PCDH15: variants seen among roughly 807,000 people sequenced by gnomAD.
PCDH15 encodes the protein protocadherin related 15.
In PCDH15, 129 loss-of-function variants were observed where a neutral mutation model predicts 178.5. The ratio of observed to expected loss-of-function variants is 0.72; its 90% CI spans 0.63 to 0.84. The LOEUF is 0.84. Among genes scored for constraint, PCDH15 ranks in the 40% least tolerant of loss-of-function variants. The pLI, the probability that PCDH15 is intolerant of heterozygous loss-of-function variation, is 0.00. For missense variants in PCDH15, 2,230 were observed against 2,099.9 expected (o/e 1.06, Z -1.21); for synonymous variants, 800 against 732.0 (o/e 1.09, Z -1.50).
chr10:54,085,598 A>C (rs973730933), intron 16 of PCDH15, among the ~76,000 whole-genome samples: 5 of 152,288 alleles, frequency 3.3e-5, no homozygotes, highest in African/African-American at 1.2e-4. Flanking sequence ...AAAATGCATT[A>C]TATTAGAATC....
At chr10:54,757,275 CCT>C (rs1947267167) in intron 1 of PCDH15, among the ~76,000 whole-genome samples, 1 of 39,022 alleles carries the variant, frequency 2.6e-5, no homozygotes, top group Middle Eastern at 0.023. Context: ...CAGAATTCTA[CCT>C]TTTTTTTTTT....
intron 14 of PCDH15, among the ~76,000 whole-genome samples, chr10:54,133,267 A>G (rs776778815): frequency 6.6e-6 from 1 of 152,242 alleles, no homozygotes. Context: ...TGGAATAGCT[A>G]TACAAATAAA....
intron 20 of PCDH15, among the ~76,000 whole-genome samples, chr10:54,010,781 C>T (rs2092555263): frequency 6.6e-6 from 1 of 152,124 alleles, no homozygotes; most frequent in African/African-American, 2.4e-5. Flanking sequence ...GTCTGTTTCC[C>T]GTGAGCCCCC....
At chr10:54,074,388 A>G (rs2094301803) in intron 17 of PCDH15, among the ~76,000 whole-genome samples, 1 of 152,096 alleles carries the variant, frequency 6.6e-6, no homozygotes, top group Admixed American at 6.6e-5. Flanking sequence ...TTCTACTTTG[A>G]GTCTTTGTGA....
intron 2 of PCDH15, among the ~76,000 whole-genome samples, chr10:54,901,220 C>G (rs1022309327): frequency 2.6e-5 from 4 of 152,046 alleles, no homozygotes; most frequent in African/African-American, 9.7e-5. Context: ...GTGGAAGGAT[C>G]ACTTGAGCCT....
chr10:54,747,790 A>T (rs1355240093), intron 1 of PCDH15, among the ~76,000 whole-genome samples: 1 of 151,562 alleles, frequency 6.6e-6, no homozygotes, highest in Non-Finnish European at 1.5e-5. Flanking sequence ...TAAAAATAAA[A>T]TCACTCAATG....
chr10:55,287,150 A>G (rs1842892709), intron 1 of PCDH15, among the ~76,000 whole-genome samples: 1 of 152,000 alleles, frequency 6.6e-6, no homozygotes. Flanking sequence ...TTGCCTCAGC[A>G]CAAAGTAATA....
chr10:54,341,320 G>A lies in PCDH15; in HGVS notation c.594+5045C>T, dbSNP rs1184566310. Among the ~76,000 whole-genome samples the A allele has an allele frequency of 2.6e-5, 4 of 152,232 alleles. No individual in the cohort carries two copies. In the Middle Eastern group the frequency reaches 0.01, roughly 388 times the overall value. On this transcript the variant is annotated intron_variant, in intron 6 of 37. Transcript: ENST00000644397. Reference sequence around the variant, plus strand: ...TTTCCCCCATGCTGTTCTCCCGATAGTGAGTTCTCACGAGATCTGATGGTT... The same window carrying A: ...TTTCCCCCATGCTGTTCTCCCGATAATGAGTTCTCACGAGATCTGATGGTT...
At chr10:54,929,426 T>C (rs1837712441) in intron 2 of PCDH15, among the ~76,000 whole-genome samples, 1 of 152,158 alleles carries the variant, frequency 6.6e-6, no homozygotes, top group Non-Finnish European at 1.5e-5. Flanking sequence ...GATACTTTTA[T>C]TCTTATATGC....
At chr10:53,962,059 T>C (rs1230354757) in intron 21 of PCDH15, among the ~76,000 whole-genome samples, 167 bp from the exon 22 acceptor site, 1 of 141,694 alleles carries the variant, frequency 7.1e-6, no homozygotes, top group East Asian at 2.2e-4. Context: ...TATTTCTTCA[T>C]GATAACTCAA....
intron 2 of PCDH15, among the ~76,000 whole-genome samples, chr10:55,397,796 A>G (rs1269246274): frequency 6.6e-6 from 1 of 151,702 alleles, no homozygotes; most frequent in Non-Finnish European, 1.5e-5. Flanking sequence ...CATGTTGTTC[A>G]GGCTGGTCTC....
At chr10:53,879,221 G>A (rs1255692406) in intron 26 of PCDH15, among the ~76,000 whole-genome samples, 2 of 151,980 alleles carry the variant, frequency 1.3e-5, no homozygotes, top group Non-Finnish European at 2.9e-5. Flanking sequence ...GATCTCATAA[G>A]TCTCATGGCC....
intron 35 of PCDH15, among the ~76,000 whole-genome samples, chr10:53,814,741 G>T (rs143436278): frequency 2.0e-5 from 3 of 152,142 alleles, no homozygotes; most frequent in Admixed American, 2.0e-4. Flanking sequence ...CGAGGTGGGC[G>T]GATCACAAGG....
chr10:53,932,454 T>C (rs2085147120), intron 25 of PCDH15, among the ~76,000 whole-genome samples: 1 of 152,180 alleles, frequency 6.6e-6, no homozygotes, highest in Non-Finnish European at 1.5e-5. Context: ...TCTGTCTACA[T>C]TTATCTGATA....
intron 2 of PCDH15, among the ~76,000 whole-genome samples, chr10:55,132,767 T>C (rs575048515): frequency 6.6e-6 from 1 of 152,316 alleles, no homozygotes; most frequent in African/African-American, 2.4e-5. Flanking sequence ...CTCATAAATA[T>C]TGTTCTGAAA....
At chr10:55,582,089 G>A (rs1842626723) in intron 2 of PCDH15, among the ~76,000 whole-genome samples, 1 of 152,140 alleles carries the variant, frequency 6.6e-6, no homozygotes, top group Non-Finnish European at 1.5e-5. Flanking sequence ...TGGACACGGA[G>A]GCCTCCACCA....
chr10:55,303,567 C>A (rs1474222449), intron 1 of PCDH15, among the ~76,000 whole-genome samples: 2 of 152,152 alleles, frequency 1.3e-5, no homozygotes, highest in African/African-American at 4.8e-5. Flanking sequence ...TCTTGATTTC[C>A]AGCTCAATTT....
chr10:54,016,810 T>C (rs2092755314), intron 20 of PCDH15, among the ~76,000 whole-genome samples: 1 of 152,086 alleles, frequency 6.6e-6, no homozygotes, highest in African/African-American at 2.4e-5. Flanking sequence ...GGCAAAATAA[T>C]CTGTACAGTC....
chr10:55,594,758 C>A (rs193039350), intron 2 of PCDH15, among the ~76,000 whole-genome samples: 1 of 152,106 alleles, frequency 6.6e-6, no homozygotes, highest in East Asian at 1.9e-4. Context: ...TAAATCAATT[C>A]ACTCTCTTAT....
Sources: gnomAD v4.1 joint callset for allele counts (sites outside exome capture counted in the v4.1 genomes callset) on GRCh38, gnomAD v4.1.1 for gene constraint, MANE v1.5 for transcripts, NCBI Gene and HGNC (gene_info 2026-07-23, HGNC 2026-07-21) for gene names.